The following WDR49 variants were observed in gnomAD, a reference collection of about 807,000 sequenced individuals.
The protein encoded by WDR49 is WD repeat domain 49.
Under a neutral mutation model 119.5 loss-of-function variants are expected in WDR49, and 107 were observed. That is an observed-to-expected ratio of 0.90 (90% CI 0.77 to 1.05). The LOEUF is 1.05. Ranked by LOEUF, WDR49 falls within the 50% of genes least tolerant of loss-of-function variation. The probability of loss-of-function intolerance (pLI) is 0.00; values close to 1 mark genes in which losing one functional copy is unlikely to be tolerated. For synonymous variants in WDR49, 425 were observed against 418.8 expected, an observed-to-expected ratio of 1.01 and a Z score of -0.18; for missense variants, 1,240 against 1,220.5, an observed-to-expected ratio of 1.02 and a Z score of -0.24.
At chr3:167,581,061 A>G (rs1052393792) in intron 7 of WDR49, among the ~76,000 whole-genome samples, 1 of 152,124 alleles carries the variant, frequency 6.6e-6, no homozygotes. Flanking sequence ...AAGTCCATGA[A>G]CGGGCATGTT....
At chr3:167,554,835 AG>A (rs778273217) in intron 9 of WDR49, 37 bp from the exon 10 acceptor site, 4 of 1,466,476 alleles carry the variant, frequency 2.7e-6, no homozygotes, top group Non-Finnish European at 3.7e-6. Context: ...TGAGACAGGA[AG>A]GTAAACTTTT....
chr3:167,550,778 T>TTTTTGA (rs772794375), intron 10 of WDR49, among the ~76,000 whole-genome samples: 6 of 144,014 alleles, frequency 4.2e-5, no homozygotes, highest in African/African-American at 1.3e-4. Flanking sequence ...TTTTTTTTTT[T>TTTTTGA]GAGAGAGAGA....
rs755787000 is a variant in WDR49 at position 167,589,705 on chromosome 3, C to T, written c.1275+12422G>A. Among the ~76,000 whole-genome samples, 12 of 151,948 alleles carry T rather than the reference C, an allele frequency of 7.9e-5. No homozygotes were observed. The South Asian group carries it at 8.3e-4, about 10-fold the overall frequency. On this transcript the variant is annotated intron_variant, in intron 7 of 18. Transcript: ENST00000682715. ...TAATTTTATTTGTAGCTATTCTAAA[C>T]GGGATTATTTTCTTGATTTTCAGAT...
At chr3:167,558,659 C>A (rs759021016) in intron 9 of WDR49, among the ~76,000 whole-genome samples, 19 of 152,180 alleles carry the variant, frequency 1.2e-4, no homozygotes, top group Non-Finnish European at 2.6e-4. Flanking sequence ...CCAAGTCCAC[C>A]TTAAATAATT....
intron 2 of WDR49, among the ~76,000 whole-genome samples, chr3:167,636,895 C>T (rs1717646725): frequency 6.6e-6 from 1 of 151,492 alleles, no homozygotes; most frequent in Non-Finnish European, 1.5e-5. Flanking sequence ...GGACATTAGC[C>T]CTTTGTCAGG....
intron 18 of WDR49, among the ~76,000 whole-genome samples, chr3:167,498,873 T>C (rs1358674632): frequency 6.6e-6 from 1 of 151,836 alleles, no homozygotes; most frequent in African/African-American, 2.4e-5. Context: ...AAAGGAAAAG[T>C]GGGGTAGACA....
chr3:167,542,826 AAAATGCAAAAGAT>A (rs1306493677), intron 10 of WDR49, among the ~76,000 whole-genome samples: 1 of 152,088 alleles, frequency 6.6e-6, no homozygotes, highest in Non-Finnish European at 1.5e-5. Context: ...AACAACAAAA[AAAATGCAAAAGAT>A]AAATGCAACA....
chr3:167,520,484 C>T (rs1752398653), intron 16 of WDR49, among the ~76,000 whole-genome samples: 1 of 152,088 alleles, frequency 6.6e-6, no homozygotes, highest in South Asian at 2.1e-4. Context: ...TCTTTCCATT[C>T]CCAGCATTCT....
intron 18 of WDR49, among the ~76,000 whole-genome samples, chr3:167,481,123 AATGAACACAGC>A (rs1750703723): frequency 6.6e-6 from 1 of 152,186 alleles, no homozygotes; most frequent in African/African-American, 2.4e-5. Context: ...AAAGTTTTAA[AATGAACACAGC>A]ATGAACACAA....
chr3:167,615,443 TAAAA>T (rs57991972), intron 5 of WDR49, among the ~76,000 whole-genome samples: 14 of 135,090 alleles, frequency 1.0e-4, no homozygotes, highest in Non-Finnish European at 1.3e-4. Context: ...GCTCTCCATT[TAAAA>T]AAAAAAAAAA....
At chr3:167,621,445 A>G (rs1261696587) in intron 4 of WDR49, 22 bp downstream of exon 4, 2 of 1,499,970 alleles carry the variant, frequency 1.3e-6, no homozygotes, top group Admixed American at 2.2e-5. Flanking sequence ...ATAGTATTCA[A>G]TCTTAATCTA....
At chr3:167,518,418 T>C (rs1379572245) in intron 16 of WDR49, among the ~76,000 whole-genome samples, 1 of 152,158 alleles carries the variant, frequency 6.6e-6, no homozygotes, top group Non-Finnish European at 1.5e-5. Flanking sequence ...TTTTTAATGA[T>C]TGCCATTCTA....
At chr3:167,491,890 G>A (rs1192099756) in intron 18 of WDR49, among the ~76,000 whole-genome samples, 3 of 152,050 alleles carry the variant, frequency 2.0e-5, no homozygotes, top group Non-Finnish European at 4.4e-5. Context: ...AATACAAAAG[G>A]ACATAAAAAA....
chr3:167,498,786 A>G (rs1207356609), intron 18 of WDR49, among the ~76,000 whole-genome samples: 2 of 152,172 alleles, frequency 1.3e-5, no homozygotes, highest in Non-Finnish European at 1.5e-5. Context: ...AGGGGGTTCA[A>G]TACAGTTGCA....
At chr3:167,622,482 C>T (rs1716919823) in intron 3 of WDR49, among the ~76,000 whole-genome samples, 1 of 152,080 alleles carries the variant, frequency 6.6e-6, no homozygotes, top group South Asian at 2.1e-4. Flanking sequence ...AATCTTTGCC[C>T]TTTAATTGGT....
chr3:167,621,936 G>C (rs1194662099), intron 3 of WDR49, among the ~76,000 whole-genome samples: 2 of 152,022 alleles, frequency 1.3e-5, no homozygotes, highest in African/African-American at 4.8e-5. Context: ...AATCACACAG[G>C]AGAGACTAAG....
intron 4 of WDR49, among the ~76,000 whole-genome samples, chr3:167,621,124 T>C (rs1187309312): frequency 1.3e-5 from 2 of 152,124 alleles, no homozygotes; most frequent in Non-Finnish European, 2.9e-5. Flanking sequence ...AAGCATTTCA[T>C]GGGATAAATG....
At chr3:167,582,374 C>A (rs7624165) in intron 7 of WDR49, among the ~76,000 whole-genome samples, 3,755 of 152,180 alleles carry the variant, frequency 0.025, 158 homozygotes, top group African/African-American at 0.085. Flanking sequence ...TTTCTTCCTT[C>A]AGAAAAGATT....
intron 18 of WDR49, among the ~76,000 whole-genome samples, chr3:167,492,014 A>G (rs561742005): frequency 6.6e-6 from 1 of 152,272 alleles, no homozygotes; most frequent in Non-Finnish European, 1.5e-5. Flanking sequence ...AATGCCTCTC[A>G]TTGTACAACT....
Sources: gnomAD v4.1 joint callset for allele counts (sites outside exome capture counted in the v4.1 genomes callset) on GRCh38, gnomAD v4.1.1 for gene constraint, MANE v1.5 for transcripts, NCBI Gene and HGNC (gene_info 2026-07-23, HGNC 2026-07-21) for gene names.